Variants in RGL1 observed in about 807,000 individuals in gnomAD.
The protein encoded by RGL1 is ral guanine nucleotide dissociation stimulator like 1.
RGL1 carries 24 observed loss-of-function variants against 95.2 expected under a neutral mutation model. That is an observed-to-expected ratio of 0.25 (90% CI 0.18 to 0.35). The LOEUF is 0.35. RGL1 is among the 10% of genes least tolerant of loss of function. The probability of loss-of-function intolerance (pLI) is 1.00; values close to 1 mark genes in which losing one functional copy is unlikely to be tolerated. For synonymous variants in RGL1, 329 were observed against 344.9 expected (o/e 0.95, Z 0.51); for missense variants, 715 against 936.3 (o/e 0.76, Z 3.08).
At chr1:183,848,910 AT>A (rs1664624615) in intron 3 of RGL1, among the ~76,000 whole-genome samples, 1 of 151,978 alleles carries the variant, frequency 6.6e-6, no homozygotes. Context: ...ATCCTTTTGT[AT>A]TTTTCCCACA....
At position 183,888,491 on chromosome 1, in the gene RGL1, G is replaced by A. The variant is rs1304771425; in HGVS notation, c.969G>A (p.Lys323=). ...INIAHECRLL[K]NFSSLRAIVS... ...CCATGCAGGAATGTAGACTCCTGAA[G>A]AATTTTTCCTCCTTGAGGGCCATCG... is the stretch of plus-strand genomic sequence containing the variant. Residue 323 remains lysine (K), a synonymous_variant, in exon 8 of 18, where the codon AAG becomes AAA. Coordinates refer to ENST00000360851, the MANE Select transcript of RGL1 (RefSeq NM_001297671.3). 4 of 1,610,714 alleles carry A rather than the reference G, an allele frequency of 2.5e-6. No individual in the cohort carries two copies. The African/African-American group carries it at 5.3e-5, about 22-fold the overall frequency.
chr1:183,660,124 C>T (rs1401861075), intron 1 of RGL1, among the ~76,000 whole-genome samples: 2 of 152,084 alleles, frequency 1.3e-5, no homozygotes, highest in Non-Finnish European at 2.9e-5. Flanking sequence ...TAAAGACCAT[C>T]GAGGCTAGGA....
At chr1:183,911,491 C>T (rs749414048) in intron 14 of RGL1, among the ~76,000 whole-genome samples, 26 of 152,282 alleles carry the variant, frequency 1.7e-4, no homozygotes, top group Middle Eastern at 6.8e-3. Flanking sequence ...TTGGGGCCTC[C>T]CACTCCCCCA....
exon 2 of RGL1, chr1:183,742,265 A>G (rs1450414867): frequency 6.2e-7 from 1 of 1,614,096 alleles, no homozygotes; most frequent in Non-Finnish European, 8.5e-7. Context: ...ATGTTCGAAT[A>G]TGGGAAGTTT....
chr1:183,708,377 C>T (rs1397947154), intron 1 of RGL1, among the ~76,000 whole-genome samples: 4 of 152,146 alleles, frequency 2.6e-5, no homozygotes, highest in Non-Finnish European at 5.9e-5. Context: ...TGATCTCTCC[C>T]AAATTAACAA....
intron 1 of RGL1, among the ~76,000 whole-genome samples, chr1:183,736,970 G>T (rs1277889659): frequency 6.6e-6 from 1 of 151,980 alleles, no homozygotes; most frequent in Non-Finnish European, 1.5e-5. Context: ...GGAGGAGGAG[G>T]AGAAAAAAAT....
In RGL1 at chr1:183,819,815, T is replaced by C. The variant is rs181063188; in HGVS notation, c.138+13330T>C. The stretch of plus-strand genomic sequence containing the variant: ...TTTTTTTTTTTAAGAGACAGGGTCT[T>C]GTTCTGTCGCCCAGTCTGGAGTACA... On this transcript the variant is annotated intron_variant, in intron 2 of 17. Transcript: ENST00000360851. Among the ~76,000 whole-genome samples, 473 of 151,438 alleles carry C rather than the reference T, an allele frequency of 3.1e-3. 1 individual carries two copies. The highest frequency in any genetic ancestry group is 0.014 in the Middle Eastern group (4 of 292).
At chr1:183,819,917 T>G (rs1215616847) in intron 2 of RGL1, among the ~76,000 whole-genome samples, 1 of 152,042 alleles carries the variant, frequency 6.6e-6, no homozygotes, top group Non-Finnish European at 1.5e-5. Context: ...CCCGAGGGGC[T>G]GAGACTGCAG....
At chr1:183,900,120 A>G in intron 10 of RGL1, 30 bp from the exon 11 acceptor site, 2 of 1,584,484 alleles carry the variant, frequency 1.3e-6, no homozygotes, top group East Asian at 4.5e-5. Flanking sequence ...CAATGACAAT[A>G]AAGACAGTTT....
chr1:183,847,428 C>T, intron 2 of RGL1, 138 bp from the exon 3 acceptor site: 1 of 773,128 alleles, frequency 1.3e-6, no homozygotes, highest in Non-Finnish European at 2.1e-6. Context: ...GCTCTCCAGC[C>T]TGGGTAACAA....
intron 2 of RGL1, among the ~76,000 whole-genome samples, chr1:183,765,885 T>A (rs963124918): frequency 2.6e-5 from 4 of 152,180 alleles, no homozygotes; most frequent in Admixed American, 1.3e-4. Context: ...AAAATCATAA[T>A]TTTTACTAAT....
intron 1 of RGL1, among the ~76,000 whole-genome samples, chr1:183,664,667 A>G (rs922703970): frequency 7.6e-6 from 1 of 132,430 alleles, no homozygotes; most frequent in Non-Finnish European, 1.6e-5. Flanking sequence ...TCTTAAGATA[A>G]ATGGGAAAAT....
chr1:183,916,172 A>G (rs1668953359), intron 15 of RGL1, among the ~76,000 whole-genome samples: 1 of 152,104 alleles, frequency 6.6e-6, no homozygotes, highest in African/African-American at 2.4e-5. Context: ...CTGCTGGTTA[A>G]CTTCTATAAG....
chr1:183,905,717 G>T (rs765756251), intron 13 of RGL1, among the ~76,000 whole-genome samples: 2 of 152,064 alleles, frequency 1.3e-5, no homozygotes, highest in Non-Finnish European at 2.9e-5. Flanking sequence ...GGCTCAGCAC[G>T]TCCCTGTCCT....
At chr1:183,648,335 A>C in intron 1 of RGL1, 2 of 1,614,174 alleles carry the variant, frequency 1.2e-6, no homozygotes, top group Non-Finnish European at 1.7e-6. Flanking sequence ...AAATACTAAG[A>C]GTGATGCCTG....
intron 3 of RGL1, among the ~76,000 whole-genome samples, chr1:183,855,287 C>CG (rs1381335587): frequency 3.3e-5 from 5 of 152,050 alleles, no homozygotes; most frequent in African/African-American, 1.2e-4. Flanking sequence ...CTTTTCCCCC[C>CG]GGGAGCTGGT....
At chr1:183,805,083 G>T (rs975837880), upstream of RGL1, 2 of 441,632 alleles carry the variant, frequency 4.5e-6, no homozygotes, top group South Asian at 1.7e-4. Flanking sequence ...GGAGGAGTCT[G>T]CTCCTCGCTT....
At chr1:183,737,624 A>T (rs1158062074) in intron 1 of RGL1, among the ~76,000 whole-genome samples, 2 of 151,120 alleles carry the variant, frequency 1.3e-5, no homozygotes, top group Non-Finnish European at 2.9e-5. Context: ...TCTCATCTGC[A>T]GATTGTTTCT....
chr1:183,789,475 A>C (rs576439363), intron 2 of RGL1, among the ~76,000 whole-genome samples: 1 of 152,184 alleles, frequency 6.6e-6, no homozygotes, highest in Admixed American at 6.5e-5. Flanking sequence ...AAAAACAAAA[A>C]ACAATAACAA....
Sources: allele counts gnomAD v4.1 joint callset (sites outside exome capture counted in the v4.1 genomes callset), GRCh38; gene constraint gnomAD v4.1.1; transcripts MANE v1.5; gene names NCBI Gene and HGNC (gene_info 2026-07-23, HGNC 2026-07-21).